The following SNTG2 variants were observed in gnomAD, a reference collection of about 807,000 sequenced individuals.
SNTG2 encodes the protein gamma-2-syntrophin.
In SNTG2, 74 loss-of-function variants were observed where a neutral mutation model predicts 70.9. The observed-to-expected ratio is 1.04, with a 90% CI of 0.86 to 1.27. SNTG2 has a LOEUF of 1.27. Ranked by LOEUF, SNTG2 falls within the 50% of genes most tolerant of loss-of-function variation. SNTG2 has a pLI of 0.00. For synonymous variants in SNTG2, 278 were observed against 273.8 expected (o/e 1.02, Z -0.15); for missense variants, 717 against 690.7 (o/e 1.04, Z -0.43).
intron 9 of SNTG2, among the ~76,000 whole-genome samples, chr2:1,229,409 G>A (rs1676032053): frequency 6.6e-6 from 1 of 152,194 alleles, no homozygotes; most frequent in South Asian, 2.1e-4. Context: ...CTAGATACAG[G>A]GTGCTGATTG....
intron 14 of SNTG2, among the ~76,000 whole-genome samples, chr2:1,305,430 G>A (rs886764180): frequency 3.9e-5 from 6 of 152,216 alleles, no homozygotes; most frequent in African/African-American, 1.4e-4. Flanking sequence ...GAAGTGGGCC[G>A]TGAGGCAACC....
chr2:1,029,814 G>A (rs1660711270), intron 1 of SNTG2, among the ~76,000 whole-genome samples: 1 of 152,082 alleles, frequency 6.6e-6, no homozygotes, highest in Admixed American at 6.5e-5. Context: ...ACCTTCAGTG[G>A]TGACCTTTTC....
chr2:1,133,432 C>G (rs1354139776), intron 4 of SNTG2, among the ~76,000 whole-genome samples: 1 of 152,116 alleles, frequency 6.6e-6, no homozygotes, highest in Non-Finnish European at 1.5e-5. Flanking sequence ...CTTGATAAAG[C>G]AAGTATAATA....
intron 8 of SNTG2, among the ~76,000 whole-genome samples, chr2:1,188,916 ATAAGAC>A (rs1389757762): frequency 2.6e-5 from 4 of 152,288 alleles, no homozygotes; most frequent in South Asian, 2.1e-4. Flanking sequence ...AAAATCAAAA[ATAAGAC>A]AAAGATACCT....
rs144812051 is a variant in SNTG2, at chr2:1,246,646, G to T, written c.889-681G>T. 2.2e-3 allele frequency among the ~76,000 whole-genome samples: 331 copies of T among 152,258 alleles called. 5 individuals carry two copies. The highest frequency in any genetic ancestry group is 7.3e-3 in the African/African-American group (302 of 41,534). On this transcript the variant is annotated intron_variant, in intron 11 of 16. Transcript: ENST00000308624. ...CTTGAAATAGAATGAGAAAATGAAAGAATTATAATGAAATTACTCCTGGTA... is the reference window on the plus strand; with the variant it reads ...CTTGAAATAGAATGAGAAAATGAAATAATTATAATGAAATTACTCCTGGTA...
chr2:1,022,134 A>G (rs1447570614), intron 1 of SNTG2, among the ~76,000 whole-genome samples: 2 of 152,038 alleles, frequency 1.3e-5, no homozygotes, highest in Non-Finnish European at 2.9e-5. Context: ...ACTGAAAACT[A>G]TGAATTGAGC....
At chr2:1,313,384 G>A (rs1214526774) in intron 15 of SNTG2, among the ~76,000 whole-genome samples, 1 of 151,876 alleles carries the variant, frequency 6.6e-6, no homozygotes, top group East Asian at 1.9e-4. Context: ...TTATCCCCCA[G>A]GATGTGGAGC....
chr2:1,006,085 G>A (rs1364754654), intron 1 of SNTG2, among the ~76,000 whole-genome samples: 7 of 146,268 alleles, frequency 4.8e-5, no homozygotes, highest in African/African-American at 1.8e-4. Flanking sequence ...ACCAAACACC[G>A]CATATTCTCA....
At chr2:1,166,986 C>A (rs1170030997) in intron 7 of SNTG2, among the ~76,000 whole-genome samples, 2 of 152,202 alleles carry the variant, frequency 1.3e-5, no homozygotes, top group African/African-American at 2.4e-5. Flanking sequence ...CTGAGAGCTA[C>A]CAACACTCCA....
chr2:1,227,150 G>C (rs976989700), intron 9 of SNTG2, among the ~76,000 whole-genome samples: 1 of 152,244 alleles, frequency 6.6e-6, no homozygotes, highest in African/African-American at 2.4e-5. Flanking sequence ...AAGAGGTTCT[G>C]CGGTGTTTTC....
At chr2:1,014,908 G>A (rs1659837690) in intron 1 of SNTG2, among the ~76,000 whole-genome samples, 1 of 152,104 alleles carries the variant, frequency 6.6e-6, no homozygotes, top group South Asian at 2.1e-4. Flanking sequence ...GGGAGTTGAG[G>A]AGATGGAGAA....
At chr2:1,003,676 G>A (rs6746417) in intron 1 of SNTG2, among the ~76,000 whole-genome samples, 69,919 of 151,906 alleles carry the variant, frequency 0.46, 16,595 homozygotes, top group Middle Eastern at 0.6. Flanking sequence ...ACCTGTTCCA[G>A]TGATGTCCTA....
At chr2:1,088,461 A>G (rs74582956) in intron 2 of SNTG2, among the ~76,000 whole-genome samples, 72 of 152,280 alleles carry the variant, frequency 4.7e-4, no homozygotes, top group African/African-American at 1.6e-3. Flanking sequence ...TCATTAGTCC[A>G]TTAGGGGAAG....
At chr2:977,029 C>T (rs1273473718) in intron 1 of SNTG2, among the ~76,000 whole-genome samples, 10 of 152,270 alleles carry the variant, frequency 6.6e-5, no homozygotes, top group Non-Finnish European at 8.8e-5. Flanking sequence ...CAGACACCAT[C>T]GTATATGCCT....
intron 9 of SNTG2, among the ~76,000 whole-genome samples, chr2:1,232,894 CAT>C (rs200285829): frequency 0.012 from 1,894 of 152,300 alleles, 22 homozygotes; most frequent in African/African-American, 0.033. Context: ...CACACACACA[CAT>C]GCACACTCTC....
chr2:1,324,734 A>G (rs1489374089), intron 16 of SNTG2, among the ~76,000 whole-genome samples: 1 of 152,208 alleles, frequency 6.6e-6, no homozygotes, highest in East Asian at 1.9e-4. Context: ...TAGTTTTATT[A>G]TGTTAGGCCT....
chr2:982,021 GACAC>G (rs1661119815), intron 1 of SNTG2, among the ~76,000 whole-genome samples: 1 of 151,946 alleles, frequency 6.6e-6, no homozygotes, highest in Admixed American at 6.6e-5. Context: ...GATGCACACA[GACAC>G]ACACTCACAA....
intron 1 of SNTG2, among the ~76,000 whole-genome samples, chr2:991,834 A>G (rs1437743249): frequency 6.6e-6 from 1 of 152,226 alleles, no homozygotes; most frequent in Non-Finnish European, 1.5e-5. Flanking sequence ...TCAATAAATG[A>G]TAAGAAATTT....
Position 1,173,143 on chromosome 2 carries a change from T to G in SNTG2, c.551T>G (p.Phe184Cys). The G allele has an allele frequency of 6.2e-7, 1 of 1,613,972 alleles. No homozygotes were observed. Among genetic ancestry groups the G allele is most frequent in the Non-Finnish European group, 8.5e-7 (1 of 1,179,888 alleles). ...DHSSGASSPL[F>C]DSGLHLNGNS... ...AGCAGTGGGGCCTCCTCTCCCCTCT[T>G]TGACAGCGGTTTGCATCTGAACGGA... is the stretch of plus-strand genomic sequence containing the variant. The change falls in exon 8 of 17, where the codon TTT becomes TGT. Residue 184 changes from phenylalanine (F) to cysteine (C), a missense_variant. By Grantham distance (205) the Phe-to-Cys change is radical (BLOSUM62 -2). Coordinates refer to ENST00000308624, the MANE Select transcript of SNTG2 (RefSeq NM_018968.4).
Sources: gnomAD v4.1 joint callset for allele counts (sites outside exome capture counted in the v4.1 genomes callset) on GRCh38, gnomAD v4.1.1 for gene constraint, MANE v1.5 for transcripts, NCBI Gene and HGNC (gene_info 2026-07-23, HGNC 2026-07-21) for gene names.